Variants in CCDC7 observed in about 807,000 individuals in gnomAD.
CCDC7 encodes coiled-coil domain-containing protein 7.
CCDC7 carries 183 observed loss-of-function variants against 196.9 expected under a neutral mutation model. That is an observed-to-expected ratio of 0.93 (90% confidence interval 0.82 to 1.05). The LOEUF (loss-of-function observed/expected upper bound fraction) is 1.05. Among genes scored for constraint, CCDC7 ranks in the 50% least tolerant of loss-of-function variants. The pLI is 0.00. For synonymous variants in CCDC7, 525 were observed against 484.6 expected, an observed-to-expected ratio of 1.08 and a Z score of -1.10; for missense variants, 1,540 against 1,482.2, an observed-to-expected ratio of 1.04 and a Z score of -0.64.
At chr10:32,508,996 A>G (rs1279338305) in intron 9 of CCDC7, among the ~76,000 whole-genome samples, 6 of 134,800 alleles carry the variant, frequency 4.5e-5, no homozygotes, top group African/African-American at 1.7e-4. Flanking sequence ...GTGCAGTGCC[A>G]TGATCTTGGC....
intron 28 of CCDC7, among the ~76,000 whole-genome samples, chr10:32,777,702 C>CAA (rs758852561): frequency 1.0e-4 from 15 of 143,462 alleles, no homozygotes; most frequent in Admixed American, 2.1e-4. Flanking sequence ...ACTAAAAATA[C>CAA]AAAAAAAAAA....
At chr10:32,582,106 C>CTATATATATATA (rs6143863) in intron 16 of CCDC7, among the ~76,000 whole-genome samples, 3,030 of 102,810 alleles carry the variant, frequency 0.029, 185 homozygotes, top group Non-Finnish European at 0.044. Context: ...ACTGTCAGCA[C>CTATATATATATA]TATATATATA....
rs1491102454 is a variant in CCDC7, at chr10:32,828,439, G to GAAGGAGAAGAAGAAGAAGAAGAAGAAGA, written c.3268+3836_3268+3837insAGGAGAAGAAGAAGAAGAAGAAGAAGAA. ...AGGAGAAGAAGAAGAAGGAAGGAAG[G>GAAGGAGAAGAAGAAGAAGAAGAAGAAGA]AGAAGAAGAAGAAGAAGAAGAAGAA... On this transcript the variant is annotated intron_variant, in intron 32 of 41. Transcript: ENST00000639629. 7.7e-4 allele frequency among the ~76,000 whole-genome samples: 44 copies of GAAGGAGAAGAAGAAGAAGAAGAAGAAGA among 56,848 alleles called. 1 individual carries two copies. Among genetic ancestry groups the GAAGGAGAAGAAGAAGAAGAAGAAGAAGA allele is most frequent in the African/African-American group, 1.8e-3 (40 of 22,732 alleles). The allele number at this position is 56,848 out of a possible 152,430, so 37.3% of individuals were successfully genotyped here. A position where few individuals can be genotyped will look rare whatever the true frequency, so the allele number is the denominator to read the frequency against.
intron 21 of CCDC7, among the ~76,000 whole-genome samples, chr10:32,681,606 A>G (rs1000200249): frequency 2.0e-5 from 3 of 152,172 alleles, no homozygotes; most frequent in South Asian, 4.1e-4. Context: ...TCTTACCTCA[A>G]GTCTCTTTTG....
chr10:32,619,151 T>C (rs2063102245), intron 18 of CCDC7, among the ~76,000 whole-genome samples: 1 of 152,094 alleles, frequency 6.6e-6, no homozygotes, highest in Admixed American at 6.5e-5. Flanking sequence ...AGTAATCTTA[T>C]TTTGATAAAA....
chr10:32,748,902 A>G (rs774002017), intron 28 of CCDC7, among the ~76,000 whole-genome samples: 6 of 152,148 alleles, frequency 3.9e-5, no homozygotes, highest in Non-Finnish European at 7.4e-5. Context: ...TCTCTTAGGA[A>G]CATAAAGGGA....
At chr10:32,679,053 A>G (rs991109431) in intron 21 of CCDC7, among the ~76,000 whole-genome samples, 1 of 152,114 alleles carries the variant, frequency 6.6e-6, no homozygotes, top group Non-Finnish European at 1.5e-5. Flanking sequence ...GTATTTGGGC[A>G]TATGTTTCAT....
intron 28 of CCDC7, among the ~76,000 whole-genome samples, chr10:32,758,653 A>G (rs2076898991): frequency 6.6e-6 from 1 of 152,208 alleles, no homozygotes; most frequent in South Asian, 2.1e-4. Flanking sequence ...CTGAATGGGC[A>G]AAAACTGGAA....
intron 9 of CCDC7, chr10:32,511,773 C>CGAAG: frequency 6.8e-7 from 1 of 1,470,028 alleles, no homozygotes; most frequent in Admixed American, 1.8e-5. Flanking sequence ...ACTCCAGCCT[C>CGAAG]CCGGAAAGCG....
At chr10:32,537,941 A>T (rs1453359973) in intron 11 of CCDC7, among the ~76,000 whole-genome samples, 4 of 152,068 alleles carry the variant, frequency 2.6e-5, no homozygotes, top group African/African-American at 9.7e-5. Flanking sequence ...CTCTAACTTT[A>T]TTCTTTTTGC....
chr10:32,560,068 A>G (rs1485365670), intron 13 of CCDC7, among the ~76,000 whole-genome samples: 1 of 152,244 alleles, frequency 6.6e-6, no homozygotes, highest in Non-Finnish European at 1.5e-5. Flanking sequence ...AAGAAAGGGT[A>G]TCAGTGATGG....
intron 28 of CCDC7, among the ~76,000 whole-genome samples, chr10:32,776,778 G>T (rs79263389): frequency 0.046 from 6,938 of 152,182 alleles, 535 homozygotes; most frequent in African/African-American, 0.16. Flanking sequence ...AAATTGCAAA[G>T]TAAATAAGGT....
chr10:32,743,799 C>G (rs1014438777), intron 28 of CCDC7, among the ~76,000 whole-genome samples: 1 of 152,032 alleles, frequency 6.6e-6, no homozygotes, highest in African/African-American at 2.4e-5. Flanking sequence ...CCATGGAATA[C>G]TATGCAACCA....
At chr10:32,874,592 G>C (rs528324754) in intron 41 of CCDC7, among the ~76,000 whole-genome samples, 1 of 151,462 alleles carries the variant, frequency 6.6e-6, no homozygotes, top group East Asian at 2.0e-4. Context: ...TTCCATCCAA[G>C]TTGCTGCAAA....
chr10:32,499,855 A>G (rs924935070), intron 9 of CCDC7, among the ~76,000 whole-genome samples: 5 of 152,144 alleles, frequency 3.3e-5, no homozygotes, highest in African/African-American at 7.2e-5. Context: ...CACATCTTGC[A>G]CCACCTTTAA....
At chr10:32,705,528 T>G (rs1336330987) in intron 24 of CCDC7, among the ~76,000 whole-genome samples, 5 of 152,078 alleles carry the variant, frequency 3.3e-5, no homozygotes, top group African/African-American at 1.2e-4. Context: ...ACTGACAAGT[T>G]GGATAAAGAG....
At chr10:32,735,229 G>A (rs138524546) in intron 28 of CCDC7, among the ~76,000 whole-genome samples, 3 of 152,296 alleles carry the variant, frequency 2.0e-5, no homozygotes, top group Non-Finnish European at 2.9e-5. Flanking sequence ...CAAGGAGCAC[G>A]ATTGCTGTAT....
chr10:32,738,661 C>G (rs892704255), intron 28 of CCDC7, among the ~76,000 whole-genome samples: 1 of 151,408 alleles, frequency 6.6e-6, no homozygotes, highest in African/African-American at 2.4e-5. Flanking sequence ...TTTTGTAGAG[C>G]TAGGTCTTTG....
intron 13 of CCDC7, among the ~76,000 whole-genome samples, chr10:32,562,299 T>A (rs2055852103): frequency 6.6e-6 from 1 of 152,196 alleles, no homozygotes; most frequent in African/African-American, 2.4e-5. Flanking sequence ...TAACTCATTT[T>A]ATGAGGCCAG....
Sources: allele counts gnomAD v4.1 joint callset (sites outside exome capture counted in the v4.1 genomes callset), GRCh38; gene constraint gnomAD v4.1.1; transcripts MANE v1.5; gene names NCBI Gene and HGNC (gene_info 2026-07-23, HGNC 2026-07-21).